PKHD1: variants seen among roughly 807,000 people sequenced by gnomAD.
PKHD1 encodes PKHD1 ciliary IPT domain containing fibrocystin/polyductin.
In PKHD1, 291 loss-of-function variants were observed where a neutral mutation model predicts 412.0. The observed-to-expected ratio is 0.71, with a 90% CI of 0.64 to 0.78. PKHD1 has a LOEUF of 0.78. Ranked by LOEUF, PKHD1 falls within the 30% of genes least tolerant of loss-of-function variation. The pLI, the probability that PKHD1 is intolerant of heterozygous loss-of-function variation, is 0.00. For synonymous variants in PKHD1, 1,777 were observed against 1,821.5 expected (o/e 0.98, Z 0.62); for missense variants, 4,825 against 4,950.7 (o/e 0.97, Z 0.76).
At chr6:52,069,579 AT>A (rs768411865) in intron 10 of PKHD1, 52 bp from the exon 11 acceptor site, 244 of 1,414,282 alleles carry the variant, frequency 1.7e-4, no homozygotes, top group Non-Finnish European at 2.2e-4. Flanking sequence ...CTGGGATTGC[AT>A]TTTTTTTAGT....
intron 35 of PKHD1, among the ~76,000 whole-genome samples, chr6:51,969,251 C>T (rs1396219257): frequency 6.6e-6 from 1 of 152,134 alleles, no homozygotes; most frequent in Non-Finnish European, 1.5e-5. Context: ...GACCTAAATC[C>T]TATATTCACA....
At chr6:52,009,364 T>G (rs1262372691) in intron 35 of PKHD1, among the ~76,000 whole-genome samples, 1 of 152,178 alleles carries the variant, frequency 6.6e-6, no homozygotes, top group Non-Finnish European at 1.5e-5. Flanking sequence ...GTACAAAAGT[T>G]ATAGAAGAAC....
intron 50 of PKHD1, among the ~76,000 whole-genome samples, chr6:51,836,854 G>A (rs1269506896): frequency 2.0e-5 from 3 of 152,118 alleles, no homozygotes; most frequent in Non-Finnish European, 4.4e-5. Context: ...TTCACCAATA[G>A]AGTTCAGATC....
At chr6:51,896,189 C>T (rs1254693333) in intron 43 of PKHD1, among the ~76,000 whole-genome samples, 3 of 152,058 alleles carry the variant, frequency 2.0e-5, no homozygotes. Context: ...GCCTGCCTGC[C>T]TCTGTAGGCT....
chr6:51,955,816 T>C (rs1293681124), intron 36 of PKHD1, among the ~76,000 whole-genome samples: 2 of 152,098 alleles, frequency 1.3e-5, no homozygotes, highest in Non-Finnish European at 2.9e-5. Context: ...TTGAAGAAAT[T>C]ATTTTTGGCT....
chr6:51,749,867 C>T (rs1417666500), intron 57 of PKHD1, among the ~76,000 whole-genome samples: 1 of 152,106 alleles, frequency 6.6e-6, no homozygotes, highest in Non-Finnish European at 1.5e-5. Context: ...GTTGTGTGTC[C>T]TTTGCTAGGT....
chr6:51,950,385 C>A (rs1279890559), intron 36 of PKHD1, among the ~76,000 whole-genome samples: 1 of 151,928 alleles, frequency 6.6e-6, no homozygotes, highest in African/African-American at 2.4e-5. Context: ...ATGTGGCCAG[C>A]CAAGTTTCCA....
chr6:52,064,436 C>T lies in PKHD1; in HGVS notation c.976+519G>A, dbSNP rs151078101. ...CATTTCTGCCCACTTCAGGCATAACCTGGTGGCAACATCACAATATATCCC... is the reference window on the plus strand; with the variant it reads ...CATTTCTGCCCACTTCAGGCATAACTTGGTGGCAACATCACAATATATCCC... On this transcript the variant is annotated intron_variant, in intron 13 of 66. Coordinates refer to ENST00000371117, the MANE Select transcript of PKHD1 (RefSeq NM_138694.4). 3.0e-3 allele frequency among the ~76,000 whole-genome samples: 456 copies of T among 152,338 alleles called. 4 individuals carry two copies. The highest frequency in any genetic ancestry group is 0.01 in the African/African-American group (420 of 41,574).
rs1055159525 is a variant in PKHD1 at position 51,722,148 on chromosome 6, C to T, written c.10156+22237G>A. On this transcript the variant is annotated intron_variant, in intron 60 of 66. Transcript: ENST00000371117. Reference sequence around the variant, plus strand: ...GAAAATACCCCACACCTTGTAATATCCGAGCTCTTTACTCATGCCCGCCCT... The same window carrying T: ...GAAAATACCCCACACCTTGTAATATTCGAGCTCTTTACTCATGCCCGCCCT... 7.3e-6 allele frequency: 11 copies of T among 1,508,616 alleles called. No homozygotes were observed. In the Middle Eastern group the frequency reaches 8.6e-4, roughly 118 times the overall value. 93.5% of individuals were successfully genotyped at this position (1,508,616 alleles called of 1,614,324 possible). A position where few individuals can be genotyped will look rare whatever the true frequency, so the allele number is the denominator to read the frequency against.
intron 57 of PKHD1, 124 bp from the exon 58 acceptor site, chr6:51,748,789 A>G: frequency 3.7e-6 from 3 of 806,060 alleles, no homozygotes; most frequent in East Asian, 2.4e-5. Context: ...CTCAACACCA[A>G]CATTATATTT....
At chr6:52,044,330 T>C (rs914099342) in intron 25 of PKHD1, among the ~76,000 whole-genome samples, 5 of 152,172 alleles carry the variant, frequency 3.3e-5, no homozygotes, top group Non-Finnish European at 7.4e-5. Flanking sequence ...TCTCTATGTA[T>C]AAAAAATGCA....
intron 61 of PKHD1, among the ~76,000 whole-genome samples, chr6:51,650,375 T>C (rs1466541457): frequency 6.6e-6 from 1 of 152,188 alleles, no homozygotes; most frequent in South Asian, 2.1e-4. Context: ...CACATATATA[T>C]GGGACCCTGA....
intron 43 of PKHD1, among the ~76,000 whole-genome samples, chr6:51,895,245 A>G (rs1244481383): frequency 2.6e-5 from 4 of 152,250 alleles, no homozygotes; most frequent in Non-Finnish European, 5.9e-5. Context: ...CTTGAGACCA[A>G]GAGTTTGAGA....
chr6:51,760,077 G>A (rs1260509582), intron 55 of PKHD1, among the ~76,000 whole-genome samples: 1 of 151,972 alleles, frequency 6.6e-6, no homozygotes, highest in Non-Finnish European at 1.5e-5. Flanking sequence ...GCCAATGAGT[G>A]CATAAGGCCA....
At chr6:51,755,564 T>C (rs1374561006) in intron 55 of PKHD1, among the ~76,000 whole-genome samples, 2 of 152,202 alleles carry the variant, frequency 1.3e-5, no homozygotes, top group African/African-American at 4.8e-5. Context: ...GTGTTCATTT[T>C]TGGTATTTTT....
chr6:51,950,552 AAC>A (rs1486247637), intron 36 of PKHD1, among the ~76,000 whole-genome samples: 2 of 152,120 alleles, frequency 1.3e-5, no homozygotes, highest in East Asian at 3.9e-4. Context: ...GATGTCTTAA[AAC>A]ACAGACTACT....
chr6:51,910,246 A>C (rs1239246553), intron 39 of PKHD1, among the ~76,000 whole-genome samples: 1 of 152,094 alleles, frequency 6.6e-6, no homozygotes, highest in Non-Finnish European at 1.5e-5. Context: ...GGTACAAACT[A>C]ATCTGGAGAA....
intron 23 of PKHD1, among the ~76,000 whole-genome samples, chr6:52,048,090 C>T (rs1806151085): frequency 6.6e-6 from 1 of 152,204 alleles, no homozygotes; most frequent in Non-Finnish European, 1.5e-5. Flanking sequence ...TAGCCACCAC[C>T]AGAAGCCAGA....
chr6:51,800,747 T>C lies in PKHD1; in HGVS notation c.8303-9374A>G, dbSNP rs117001640. 3.1e-3 allele frequency among the ~76,000 whole-genome samples: 475 copies of C among 152,314 alleles called. 9 individuals are homozygous for C. In the East Asian group the frequency reaches 0.051, roughly 16 times the overall value. ...TTAGGGCAGGCAGACCCACTGCTTG[T>C]ATGGTATGCACTGTATCAGGCCCCA... is the stretch of plus-strand genomic sequence containing the variant. On this transcript the variant is annotated intron_variant, in intron 52 of 66. Coordinates refer to ENST00000371117, the MANE Select transcript of PKHD1 (RefSeq NM_138694.4).
Sources: gnomAD v4.1 joint callset for allele counts (sites outside exome capture counted in the v4.1 genomes callset) on GRCh38, gnomAD v4.1.1 for gene constraint, MANE v1.5 for transcripts, NCBI Gene and HGNC (gene_info 2026-07-23, HGNC 2026-07-21) for gene names.